BAALC: variants seen among roughly 807,000 people sequenced by gnomAD.
BAALC encodes BAALC binder of MAP3K1 and KLF4.
In BAALC, 9 loss-of-function variants were observed where a neutral mutation model predicts 15.5. The ratio of observed to expected loss-of-function variants is 0.58; its 90% confidence interval spans 0.35 to 1.02. The LOEUF is 1.02. BAALC is among the 50% of genes least tolerant of loss of function. BAALC has a pLI of 0.02. For synonymous variants in BAALC, 80 were observed against 74.6 expected (o/e 1.07, Z -0.37); for missense variants, 201 against 192.4 (o/e 1.04, Z -0.27).
chr8:103,180,773 A>G (rs1157791958), intron 1 of BAALC, among the ~76,000 whole-genome samples: 2 of 152,206 alleles, frequency 1.3e-5, no homozygotes, highest in African/African-American at 4.8e-5. Flanking sequence ...TTGAGATGTA[A>G]AGCAATGATT....
At chr8:103,185,660 G>A (rs1044550219) in intron 1 of BAALC, among the ~76,000 whole-genome samples, 1 of 152,232 alleles carries the variant, frequency 6.6e-6, no homozygotes, top group South Asian at 2.1e-4. Flanking sequence ...CTCACTGAGC[G>A]ATCTGGGGAG....
intron 1 of BAALC, among the ~76,000 whole-genome samples, chr8:103,200,155 A>G (rs1182322733): frequency 6.6e-6 from 1 of 152,178 alleles, no homozygotes; most frequent in Non-Finnish European, 1.5e-5. Context: ...ATGAGATACC[A>G]TCTAACACCA....
chr8:103,193,108 C>G (rs1812009670), intron 1 of BAALC, among the ~76,000 whole-genome samples: 1 of 152,236 alleles, frequency 6.6e-6, no homozygotes, highest in African/African-American at 2.4e-5. Flanking sequence ...AGTAGCTAGC[C>G]AAGCCCCCAA....
intron 2 of BAALC, among the ~76,000 whole-genome samples, chr8:103,226,985 A>G (rs958233503): frequency 6.6e-6 from 1 of 152,290 alleles, no homozygotes; most frequent in African/African-American, 2.4e-5. Flanking sequence ...TAACCACTCT[A>G]CTAAAGCCAA....
intron 1 of BAALC, among the ~76,000 whole-genome samples, chr8:103,171,616 G>A (rs753805305): frequency 6.6e-6 from 1 of 152,114 alleles, no homozygotes; most frequent in Non-Finnish European, 1.5e-5. Context: ...TTGCCCTGGG[G>A]CTATAGCTTT....
intron 1 of BAALC, among the ~76,000 whole-genome samples, chr8:103,169,276 T>C (rs1257728470): frequency 1.3e-5 from 2 of 152,212 alleles, no homozygotes; most frequent in African/African-American, 4.8e-5. Context: ...TCTCTGAATG[T>C]TCCTTTTCAT....
At chr8:103,223,431 G>A (rs918908515) in intron 2 of BAALC, among the ~76,000 whole-genome samples, 33 of 152,318 alleles carry the variant, frequency 2.2e-4, no homozygotes, top group African/African-American at 7.2e-4. Context: ...GTAAAGAGCA[G>A]GCATTATTTC....
chr8:103,153,581 G>A (rs1224186402), intron 1 of BAALC, among the ~76,000 whole-genome samples: 2 of 152,160 alleles, frequency 1.3e-5, no homozygotes, highest in Non-Finnish European at 2.9e-5. Flanking sequence ...ACATTCCCTT[G>A]TCTTCTGCCT....
intron 2 of BAALC, among the ~76,000 whole-genome samples, chr8:103,213,751 C>T (rs1053277337): frequency 6.6e-5 from 10 of 152,162 alleles, no homozygotes; most frequent in Non-Finnish European, 1.5e-4. Flanking sequence ...CCACCCAGTT[C>T]CTCCTTCTGA....
At chr8:103,185,273 C>T (rs895960565) in intron 1 of BAALC, among the ~76,000 whole-genome samples, 8 of 152,054 alleles carry the variant, frequency 5.3e-5, no homozygotes, top group East Asian at 1.9e-4. Flanking sequence ...ACTCCCATCA[C>T]GGCCCCACCC....
chr8:103,162,619 C>T (rs938191191), intron 1 of BAALC, among the ~76,000 whole-genome samples: 3 of 152,042 alleles, frequency 2.0e-5, no homozygotes, highest in Non-Finnish European at 4.4e-5. Flanking sequence ...GTCCTAGTCT[C>T]GGAAATTATA....
At chr8:103,203,345 C>T (rs1363093748) in intron 1 of BAALC, among the ~76,000 whole-genome samples, 1 of 152,192 alleles carries the variant, frequency 6.6e-6, no homozygotes, top group Non-Finnish European at 1.5e-5. Flanking sequence ...CATTGCTGTT[C>T]AAATCCAAAT....
intron 1 of BAALC, among the ~76,000 whole-genome samples, chr8:103,203,408 A>G (rs1812261539): frequency 6.6e-6 from 1 of 152,206 alleles, no homozygotes. Flanking sequence ...ACTGCTCACC[A>G]TTTGAAAAAT....
intron 1 of BAALC, among the ~76,000 whole-genome samples, chr8:103,179,192 T>C (rs1421262499): frequency 1.3e-5 from 2 of 152,194 alleles, no homozygotes; most frequent in Non-Finnish European, 2.9e-5. Flanking sequence ...TCTCAATGCC[T>C]CCAGCACTAT....
intron 1 of BAALC, chr8:103,183,485 T>A (rs559141620): frequency 1.4e-6 from 1 of 702,514 alleles, no homozygotes; most frequent in Non-Finnish European, 2.6e-6. Context: ...AGAGAGGGTA[T>A]GGGGGGACCA....
intron 1 of BAALC, among the ~76,000 whole-genome samples, chr8:103,196,269 T>C (rs1180088744): frequency 4.0e-5 from 6 of 151,874 alleles, no homozygotes; most frequent in Non-Finnish European, 7.4e-5. Flanking sequence ...TTTGTAGTTT[T>C]TGTTTTTGTT....
intron 2 of BAALC, among the ~76,000 whole-genome samples, chr8:103,220,453 G>T (rs1271852482): frequency 6.6e-6 from 1 of 152,172 alleles, no homozygotes; most frequent in Middle Eastern, 3.2e-3. Flanking sequence ...TCTTTCTGAA[G>T]ATTTGTCTTC....
chr8:103,218,141 G>T (rs62525462), intron 2 of BAALC, among the ~76,000 whole-genome samples: 4,948 of 152,252 alleles, frequency 0.032, 96 homozygotes, highest in Middle Eastern at 0.051. Context: ...CCTTGTGTTT[G>T]GAGCCCTTCT....
chr8:103,226,519 T>C (rs4734693), intron 2 of BAALC, among the ~76,000 whole-genome samples: 53,127 of 151,996 alleles, frequency 0.35, 9,539 homozygotes, highest in Middle Eastern at 0.49. Context: ...GTCCATCCAC[T>C]AGTGGAGGTG....
Sources: allele counts gnomAD v4.1 joint callset (sites outside exome capture counted in the v4.1 genomes callset), GRCh38; gene constraint gnomAD v4.1.1; transcripts MANE v1.5; gene names NCBI Gene and HGNC (gene_info 2026-07-23, HGNC 2026-07-21).